The following TMEM171 variants were observed in gnomAD, a reference collection of about 807,000 sequenced individuals.
The protein encoded by TMEM171 is transmembrane protein 171, also known as proline-rich protein PRP2.
A neutral mutation model predicts 19.1 loss-of-function variants in TMEM171; 16 were observed. That is an observed-to-expected ratio of 0.84 (90% CI 0.57 to 1.27). The LOEUF is 1.27. Among genes scored for constraint, TMEM171 ranks in the 50% most tolerant of loss-of-function variants. The pLI is 0.00. For missense variants in TMEM171, 429 were observed against 412.7 expected, an observed-to-expected ratio of 1.04 and a Z score of -0.34; for synonymous variants, 153 against 163.4, an observed-to-expected ratio of 0.94 and a Z score of 0.48.
chr5:73,127,563 A>C (rs1388897506), intron 2 of TMEM171, among the ~76,000 whole-genome samples: 1 of 150,418 alleles, frequency 6.6e-6, no homozygotes, highest in Non-Finnish European at 1.5e-5. Flanking sequence ...CAGCCTCCCG[A>C]ATAGCTGGGA....
chr5:73,128,756 CATCT>C (rs67547809), intron 3 of TMEM171, among the ~76,000 whole-genome samples: 80,665 of 151,816 alleles, frequency 0.53, 21,912 homozygotes, highest in South Asian at 0.73. Context: ...CTACTCCAGG[CATCT>C]ATCTTTATGT....
intron 3 of TMEM171, among the ~76,000 whole-genome samples, chr5:73,130,630 C>T (rs1287531233): frequency 1.3e-5 from 2 of 152,028 alleles, no homozygotes. Flanking sequence ...TCTTTTCCCA[C>T]AAAAGCAGGG....
chr5:73,131,773 T>G lies in TMEM171; in HGVS notation c.*43T>G. Reference sequence around the variant, plus strand: ...AGTTTTATATGCAATGGATCACTATTTTATTTAATTTTTTTTAAATAAAAA... The same window carrying G: ...AGTTTTATATGCAATGGATCACTATGTTATTTAATTTTTTTTAAATAAAAA... On this transcript the variant is annotated 3_prime_UTR_variant, in exon 4 of 4. Transcript: ENST00000454765. The G allele has an allele frequency of 6.9e-7, 1 of 1,458,100 alleles. No individual in the cohort carries two copies. Among genetic ancestry groups the G allele is most frequent in the Non-Finnish European group, 9.1e-7 (1 of 1,095,142 alleles). The allele number at this position is 1,458,100 out of a possible 1,614,324, so 90.3% of individuals were successfully genotyped here.
At chr5:73,125,252 A>AT (rs1164086858) in intron 2 of TMEM171, among the ~76,000 whole-genome samples, 1 of 152,230 alleles carries the variant, frequency 6.6e-6, no homozygotes, top group Non-Finnish European at 1.5e-5. Flanking sequence ...GCTAACACTT[A>AT]TATAGGGTCT....
intron 2 of TMEM171, among the ~76,000 whole-genome samples, chr5:73,127,384 A>AAAAATATATATATATATATATATAT: frequency 1.6e-4 from 13 of 81,676 alleles, no homozygotes; most frequent in African/African-American, 5.9e-4. Flanking sequence ...AAAAAAAAAA[A>AAAAATATATATATATATATATATAT]ATATATATAT....
chr5:73,130,061 A>G (rs569093824), intron 3 of TMEM171, among the ~76,000 whole-genome samples: 5 of 152,132 alleles, frequency 3.3e-5, no homozygotes, highest in Non-Finnish European at 7.4e-5. Flanking sequence ...GAGGTCCCCA[A>G]CTGAGAAGAC....
At chr5:73,124,394 ACCAAAAC>A (rs1273481862) in intron 2 of TMEM171, among the ~76,000 whole-genome samples, 3 of 152,194 alleles carry the variant, frequency 2.0e-5, no homozygotes, top group African/African-American at 7.2e-5. Flanking sequence ...TTATTCTCAC[ACCAAAAC>A]CACATAGCAT....
rs1039744352 is a variant in TMEM171, at chr5:73,128,379, T to C, written c.641-11T>C. 57 of 1,612,454 alleles carry C rather than the reference T, an allele frequency of 3.5e-5. No homozygotes were observed. Among genetic ancestry groups the C allele is most frequent in the Middle Eastern group, 1.6e-4 (1 of 6,074 alleles). ...CCCACCTGTTGTCAACTAAATATTG[T>C]TTTGCCTTAGGTGACTCGGTAATAA... On this transcript the variant is annotated splice_polypyrimidine_tract_variant and intron_variant, in intron 2 of 3. Coordinates refer to ENST00000454765, the MANE Select transcript of TMEM171 (RefSeq NM_173490.8).
intron 1 of TMEM171, among the ~76,000 whole-genome samples, chr5:73,122,722 TC>T (rs1744037345): frequency 6.6e-6 from 1 of 152,182 alleles, no homozygotes; most frequent in African/African-American, 2.4e-5. Flanking sequence ...TTTGATAGAA[TC>T]AACTTAAAAG....
At position 73,120,642 on chromosome 5, in the gene TMEM171, C is replaced by G. The variant is rs1044968403; in HGVS notation, c.-123C>G. On this transcript the variant is annotated 5_prime_UTR_variant, in exon 1 of 4. Coordinates refer to ENST00000454765, the MANE Select transcript of TMEM171 (RefSeq NM_173490.8). ...AGGCCGCGTGCGGAGGCGGACGCCG[C>G]GCCCAGCCAGTGCCCACAGCAGCGC... 63 of 984,642 alleles carry G rather than the reference C, an allele frequency of 6.4e-5. No homozygotes were observed. Among genetic ancestry groups the G allele is most frequent in the Middle Eastern group, 5.2e-4 (1 of 1,936 alleles). 61.0% of individuals were successfully genotyped at this position (984,642 alleles called of 1,614,324 possible). A position where few individuals can be genotyped will look rare whatever the true frequency, so the allele number is the denominator to read the frequency against.
intron 1 of TMEM171, 103 bp downstream of exon 1, chr5:73,120,799 G>A (rs577196163): frequency 2.1e-6 from 2 of 956,504 alleles, no homozygotes; most frequent in African/African-American, 3.5e-5. Context: ...CGGAGGCGCT[G>A]GGTATCCGAG....
In TMEM171 at chr5:73,123,790, C is replaced by T; in HGVS notation, c.417C>T (p.Asn139=). Residue 139 remains asparagine (N), a synonymous_variant, in exon 2 of 4, where the codon AAC becomes AAT. Coordinates refer to ENST00000454765, the MANE Select transcript of TMEM171 (RefSeq NM_173490.8). ...LGIWVPGCGS[N]WAQEPLNETD... ...TTTGGGTCCCTGGATGTGGCTCCAA[C>T]TGGGCGCAGGAACCGCTAAACGAGA... is the stretch of plus-strand genomic sequence containing the variant. 1.2e-6 allele frequency: 2 copies of T among 1,612,596 alleles called. No individual in the cohort carries two copies. Among genetic ancestry groups the T allele is most frequent in the Non-Finnish European group, 1.7e-6 (2 of 1,179,020 alleles).
rs755811119 is a variant in TMEM171, at chr5:73,123,463, C to G, written c.90C>G (p.Ala30=). 2 of 1,614,164 alleles carry G rather than the reference C, an allele frequency of 1.2e-6. No individual in the cohort carries two copies. Among genetic ancestry groups the G allele is most frequent in the South Asian group, 2.2e-5 (2 of 91,076 alleles). ...TCTTCTGCTTCTTTGTCTTCGGCGC[C>G]GTCTTGTTGTGTGTGGGAGTCCTGC... ...KLIFCFFVFG[A]VLLCVGVLLS... Residue 30 remains alanine, a synonymous_variant, in exon 2 of 4, where the codon GCC becomes GCG. Transcript: ENST00000454765.
At position 73,121,003 on chromosome 5, in the gene TMEM171, A is replaced by G. The variant is rs144982542; in HGVS notation, c.-69+307A>G. 5.2e-3 allele frequency among the ~76,000 whole-genome samples: 785 copies of G among 152,032 alleles called. 7 individuals are homozygous for G. Among genetic ancestry groups the G allele is most frequent in the Non-Finnish European group, 7.6e-3 (517 of 67,952 alleles). On this transcript the variant is annotated intron_variant, in intron 1 of 3. Transcript: ENST00000454765. Reference sequence around the variant, plus strand: ...AACCAATAGGAGTGTTGGAGAGGGGAGTTTGGCTTTGGGGAGTTTAAGTGT... The same window carrying G: ...AACCAATAGGAGTGTTGGAGAGGGGGGTTTGGCTTTGGGGAGTTTAAGTGT...
rs745314252 is a variant in TMEM171 at position 73,124,064 on chromosome 5, A to G, written c.640+51A>G. ...GCTTCTATCACAGTGGCTTTGCAGC[A>G]GGGTTTCACCAGCTGCTCTTGGTTC... On this transcript the variant is annotated intron_variant, in intron 2 of 3. Coordinates refer to ENST00000454765, the MANE Select transcript of TMEM171 (RefSeq NM_173490.8). 4.2e-6 allele frequency: 6 copies of G among 1,435,312 alleles called. No homozygotes were observed. In the African/African-American group the frequency reaches 8.6e-5, roughly 21 times the overall value. The allele number at this position is 1,435,312 out of a possible 1,614,324, so 88.9% of individuals were successfully genotyped here. A position where few individuals can be genotyped will look rare whatever the true frequency, so the allele number is the denominator to read the frequency against.
intron 2 of TMEM171, among the ~76,000 whole-genome samples, chr5:73,127,788 T>C (rs1744216828): frequency 6.6e-6 from 1 of 151,606 alleles, no homozygotes; most frequent in Non-Finnish European, 1.5e-5. Context: ...TCACCCAGGC[T>C]GGAGTGCAGT....
Position 73,128,467 on chromosome 5 carries a change from C to T in TMEM171, c.718C>T (p.Pro240Ser). ...ESSASAVAES[P>S]GTNSLLPNEN... is the part of the protein sequence containing the mutation. The stretch of plus-strand genomic sequence containing the variant: ...TTCAGCTTCTGCGGTCGCTGAGAGT[C>T]CTGGAACTAACAGTCTGCTTCCGAA... The change falls in exon 3 of 4, where the codon CCT becomes TCT. Residue 240 changes from proline to serine, a missense_variant. By Grantham distance (74) the Pro-to-Ser change is moderately conservative. Transcript: ENST00000454765. 4 of 1,614,128 alleles carry T rather than the reference C, an allele frequency of 2.5e-6. No individual in the cohort carries two copies. The African/African-American group carries it at 4.0e-5, about 16-fold the overall frequency.
In TMEM171 at chr5:73,123,362, C is replaced by G. The variant is rs757103871; in HGVS notation, c.-12C>G. On this transcript the variant is annotated 5_prime_UTR_variant, in exon 2 of 4. Coordinates refer to ENST00000454765, the MANE Select transcript of TMEM171 (RefSeq NM_173490.8). ...ATCCCACCCTGCCTCCGGGAAGGGG[C>G]CTCTCCTGGACATGTCTCCTGCAGC... 2.5e-6 allele frequency: 4 copies of G among 1,596,086 alleles called. No individual in the cohort carries two copies. The highest frequency in any genetic ancestry group is 3.4e-6 in the Non-Finnish European group (4 of 1,167,270).
At chr5:73,131,467 A>G in intron 3 of TMEM171, 71 bp from the exon 4 acceptor site, 2 of 1,265,738 alleles carry the variant, frequency 1.6e-6, no homozygotes, top group Non-Finnish European at 2.1e-6. Flanking sequence ...AACATTTGAA[A>G]AGAACCTAGT....
Sources: gnomAD v4.1 joint callset for allele counts (sites outside exome capture counted in the v4.1 genomes callset) on GRCh38, gnomAD v4.1.1 for gene constraint, MANE v1.5 for transcripts, NCBI Gene and HGNC (gene_info 2026-07-23, HGNC 2026-07-21) for gene names.